Variants in ARHGAP12 observed in about 807,000 individuals in gnomAD.
ARHGAP12 encodes Rho GTPase activating protein 12, also known as rho GTPase-activating protein 12.
A neutral mutation model predicts 108.6 loss-of-function variants in ARHGAP12; 64 were observed. The observed-to-expected ratio is 0.59, with a 90% confidence interval of 0.48 to 0.73. ARHGAP12 has a LOEUF of 0.73. Ranked by LOEUF, ARHGAP12 falls within the 30% of genes least tolerant of loss-of-function variation. ARHGAP12 has a pLI of 0.00. For missense variants in ARHGAP12, 940 were observed against 1,005.9 expected (o/e 0.93, Z 0.89); for synonymous variants, 312 against 337.2 (o/e 0.93, Z 0.82).
intron 9 of ARHGAP12, among the ~76,000 whole-genome samples, chr10:31,832,687 G>A (rs1835877596): frequency 1.3e-5 from 2 of 152,148 alleles, no homozygotes; most frequent in Admixed American, 1.3e-4. Context: ...TCACAAGGAA[G>A]AAGTATCCCC....
In ARHGAP12 at chr10:31,852,582, C is replaced by G; in HGVS notation, c.1105G>C (p.Asp369His). ...TAGTAATATTGTCTACCTTGATCAT[C>G]AACATGCTTGAGCCACTATAAAAAC... is the stretch of plus-strand genomic sequence containing the variant. ...YTNEKWLKHV[D>H]DQGRQYYYSA... The change falls in exon 6 of 20, where the codon GAT (aspartate) becomes CAT (histidine). Residue 369 changes from aspartate (D) to histidine (H), a missense_variant. Coordinates refer to ENST00000344936, the MANE Select transcript of ARHGAP12 (RefSeq NM_018287.7). 13 of 1,612,890 alleles carry G rather than the reference C, an allele frequency of 8.1e-6. No individual in the cohort carries two copies. The highest frequency in any genetic ancestry group is 1.1e-5 in the Non-Finnish European group (13 of 1,179,072).
At chr10:31,919,840 C>A (rs180911222) in intron 1 of ARHGAP12, among the ~76,000 whole-genome samples, 1 of 150,932 alleles carries the variant, frequency 6.6e-6, no homozygotes, top group Non-Finnish European at 1.5e-5. Flanking sequence ...AAATATTGGC[C>A]AGGCACGGTG....
At chr10:31,879,486 A>C (rs1355969604) in intron 3 of ARHGAP12, among the ~76,000 whole-genome samples, 1 of 152,218 alleles carries the variant, frequency 6.6e-6, no homozygotes, top group East Asian at 1.9e-4. Flanking sequence ...AAAATGAAAA[A>C]ATTTATTTTG....
chr10:31,854,585 C>T (rs1472697381), intron 4 of ARHGAP12, among the ~76,000 whole-genome samples: 5 of 152,270 alleles, frequency 3.3e-5, no homozygotes, highest in Admixed American at 3.3e-4. Flanking sequence ...GACGAGGGAA[C>T]TTCATTAGAC....
intron 3 of ARHGAP12, among the ~76,000 whole-genome samples, chr10:31,880,449 AAAAC>A (rs1213012831): frequency 2.0e-5 from 3 of 151,610 alleles, no homozygotes; most frequent in Admixed American, 6.6e-5. Context: ...TCTCTATAGA[AAAAC>A]AAACAAACAA....
In ARHGAP12 at chr10:31,812,788, T is replaced by C; in HGVS notation, c.1870A>G (p.Lys624Glu). 1.2e-6 allele frequency: 2 copies of C among 1,609,054 alleles called. No individual in the cohort carries two copies. Among genetic ancestry groups the C allele is most frequent in the Non-Finnish European group, 1.7e-6 (2 of 1,178,524 alleles). The change falls in exon 15 of 20, where the codon AAA becomes GAA. Residue 624 changes from lysine to glutamate, a missense_variant. By Grantham distance (56) the Lys-to-Glu change is moderately conservative. Transcript: ENST00000344936. ...TTCTTTAAGTTTTTCTTGGTTTTTT[T>C]CTGTTCTGAAGAATCTATGCTAGAT... ...KVSSIDSSEQ[K>E]KTKKNLKKFL...
At position 31,806,128 on chromosome 10, in the gene ARHGAP12, T is replaced by C. The variant is rs1834816571; in HGVS notation, c.*1530A>G. ...TTGATGGAGAAATAAAAAGTGTACG[T>C]TGTGGGTGGAGAAATGTTGGCATGG... is the stretch of plus-strand genomic sequence containing the variant. On this transcript the variant is annotated 3_prime_UTR_variant, in exon 20 of 20. Transcript: ENST00000344936. The C allele has an allele frequency of 6.6e-6, 1 of 152,076 alleles. No individual in the cohort carries two copies. The highest frequency in any genetic ancestry group is 2.4e-5 in the African/African-American group (1 of 41,418). 9.4% of individuals were successfully genotyped at this position (152,076 alleles called of 1,614,324 possible).
Position 31,901,515 on chromosome 10 carries a change from C to G in ARHGAP12, c.684+6657G>C, listed in dbSNP as rs904233335. ...ATCACTGTACTCCAGGCTTGGGTGA[C>G]AGAGCAAAAACCTGGTCTCAAAAAA... On this transcript the variant is annotated intron_variant, in intron 3 of 19. Coordinates refer to ENST00000344936, the MANE Select transcript of ARHGAP12 (RefSeq NM_018287.7). Among the ~76,000 whole-genome samples, 3 of 86,366 alleles carry G rather than the reference C, an allele frequency of 3.5e-5. No homozygotes were observed. In the Admixed American group the frequency reaches 5.4e-4, roughly 16 times the overall value. 56.7% of individuals were successfully genotyped at this position (86,366 alleles called of 152,430 possible). A position where few individuals can be genotyped will look rare whatever the true frequency, so the allele number is the denominator to read the frequency against.
Position 31,831,809 on chromosome 10 carries a change from C to T in ARHGAP12, c.1387-9G>A, listed in dbSNP as rs1483196849. On this transcript the variant is annotated splice_polypyrimidine_tract_variant and intron_variant, in intron 9 of 19. Coordinates refer to ENST00000344936, the MANE Select transcript of ARHGAP12 (RefSeq NM_018287.7). ...CCATATTTCTCTTGATCCTATGGAA[C>T]AGAGTAATACTGTTTATACAATCAC... is the stretch of plus-strand genomic sequence containing the variant. The T allele has an allele frequency of 2.6e-6, 4 of 1,515,034 alleles. No homozygotes were observed. Among genetic ancestry groups the T allele is most frequent in the Non-Finnish European group, 3.6e-6 (4 of 1,102,486 alleles). 93.8% of individuals were successfully genotyped at this position (1,515,034 alleles called of 1,614,324 possible). A position where few individuals can be genotyped will look rare whatever the true frequency, so the allele number is the denominator to read the frequency against.
chr10:31,896,984 C>A (rs1013740212), intron 3 of ARHGAP12, among the ~76,000 whole-genome samples: 12 of 151,992 alleles, frequency 7.9e-5, no homozygotes, highest in Non-Finnish European at 1.6e-4. Context: ...ATTTAAAGGT[C>A]ATTTCAATGA....
rs1835256994 is a variant in ARHGAP12 at position 31,817,680 on chromosome 10, A to G, written c.1731+108T>C. 7.5e-6 allele frequency: 5 copies of G among 666,036 alleles called. No homozygotes were observed. The South Asian group carries it at 8.3e-5, about 11-fold the overall frequency. 41.3% of individuals were successfully genotyped at this position (666,036 alleles called of 1,614,324 possible). A position where few individuals can be genotyped will look rare whatever the true frequency, so the allele number is the denominator to read the frequency against. On this transcript the variant is annotated intron_variant, in intron 13 of 19. Transcript: ENST00000344936. ...TTTTCCATCTCTGTCAAACATATAT[A>G]AAGTGCCTTTTCACATATAGATTGC...
intron 5 of ARHGAP12, among the ~76,000 whole-genome samples, 164 bp downstream of exon 5, chr10:31,853,902 A>G (rs1244128499): frequency 6.6e-6 from 1 of 152,250 alleles, no homozygotes; most frequent in Non-Finnish European, 1.5e-5. Flanking sequence ...TAAAACAATC[A>G]GTAGTTACAC....
At chr10:31,894,295 A>G (rs1021539618) in intron 3 of ARHGAP12, among the ~76,000 whole-genome samples, 3 of 152,174 alleles carry the variant, frequency 2.0e-5, no homozygotes, top group African/African-American at 7.2e-5. Context: ...TTAGGAAAAG[A>G]GGAAGTCAAA....
At chr10:31,813,645 C>T (rs111841822) in intron 14 of ARHGAP12, among the ~76,000 whole-genome samples, 1 of 151,844 alleles carries the variant, frequency 6.6e-6, no homozygotes, top group Non-Finnish European at 1.5e-5. Context: ...CTCAGTTAAA[C>T]GTGGATTTGT....
intron 10 of ARHGAP12, among the ~76,000 whole-genome samples, chr10:31,829,075 C>A (rs1310558812): frequency 6.6e-6 from 1 of 152,098 alleles, no homozygotes; most frequent in Non-Finnish European, 1.5e-5. Context: ...TTGCTTGAAT[C>A]TGGGAGGCGG....
intron 1 of ARHGAP12, among the ~76,000 whole-genome samples, chr10:31,921,557 A>G (rs566077600): frequency 5.3e-5 from 8 of 151,806 alleles, no homozygotes; most frequent in African/African-American, 1.9e-4. Context: ...TGAGGTCAGG[A>G]GTTCGATACC....
At chr10:31,865,041 G>A in intron 3 of ARHGAP12, among the ~76,000 whole-genome samples, 1 of 152,096 alleles carries the variant, frequency 6.6e-6, no homozygotes, top group Non-Finnish European at 1.5e-5. Context: ...AAACAGCATG[G>A]TACTTTCAGG....
intron 3 of ARHGAP12, among the ~76,000 whole-genome samples, chr10:31,896,342 T>C (rs1838694014): frequency 6.6e-6 from 1 of 150,810 alleles, no homozygotes; most frequent in Non-Finnish European, 1.5e-5. Flanking sequence ...GTAACAAATG[T>C]AAACATTTCT....
At chr10:31,833,400 C>T (rs1384118975) in intron 9 of ARHGAP12, among the ~76,000 whole-genome samples, 3 of 151,028 alleles carry the variant, frequency 2.0e-5, no homozygotes, top group Non-Finnish European at 2.9e-5. Context: ...AAATGGATGG[C>T]ATAGCAGTAG....
Sources: allele counts gnomAD v4.1 joint callset (sites outside exome capture counted in the v4.1 genomes callset), GRCh38; gene constraint gnomAD v4.1.1; transcripts MANE v1.5; gene names NCBI Gene and HGNC (gene_info 2026-07-23, HGNC 2026-07-21).